PCSK5: variants seen among roughly 807,000 people sequenced by gnomAD.
PCSK5 encodes the protein prohormone convertase 5.
A neutral mutation model predicts 233.2 loss-of-function variants in PCSK5; 129 were observed. The observed-to-expected ratio is 0.55, with a 90% confidence interval of 0.48 to 0.64. The LOEUF is 0.64. Among genes scored for constraint, PCSK5 ranks in the 30% least tolerant of loss-of-function variants. The pLI, the probability that PCSK5 is intolerant of heterozygous loss-of-function variation, is 0.00. For synonymous variants in PCSK5, 825 were observed against 879.2 expected, an observed-to-expected ratio of 0.94 and a Z score of 1.09; for missense variants, 2,076 against 2,430.1, an observed-to-expected ratio of 0.85 and a Z score of 3.06.
intron 5 of PCSK5, among the ~76,000 whole-genome samples, chr9:76,040,233 A>G (rs1829035774): frequency 6.6e-6 from 1 of 152,142 alleles, no homozygotes; most frequent in African/African-American, 2.4e-5. Flanking sequence ...ACTCTAGGGC[A>G]CAGGCCATGT....
chr9:75,993,227 C>G (rs886862254), intron 3 of PCSK5, among the ~76,000 whole-genome samples: 1 of 151,948 alleles, frequency 6.6e-6, no homozygotes, highest in Non-Finnish European at 1.5e-5. Context: ...CTGAGGCAAG[C>G]AGGAGACCTC....
intron 35 of PCSK5, among the ~76,000 whole-genome samples, chr9:76,347,945 T>A (rs1300656643): frequency 6.6e-6 from 1 of 151,890 alleles, no homozygotes; most frequent in Non-Finnish European, 1.5e-5. Context: ...GATATATGTA[T>A]ACAATGTGGA....
chr9:76,337,665 G>A (rs144028697), intron 34 of PCSK5, among the ~76,000 whole-genome samples: 161 of 151,686 alleles, frequency 1.1e-3, no homozygotes, highest in East Asian at 4.7e-3. Flanking sequence ...GTAGAGACAG[G>A]GTTTCACCAT....
intron 5 of PCSK5, among the ~76,000 whole-genome samples, chr9:76,043,400 T>C (rs1227460334): frequency 1.3e-5 from 2 of 151,236 alleles, no homozygotes; most frequent in South Asian, 2.1e-4. Context: ...CAGGCTTCCA[T>C]TTAGACTCTG....
intron 2 of PCSK5, among the ~76,000 whole-genome samples, chr9:75,960,092 G>A (rs780260363): frequency 6.6e-6 from 1 of 152,216 alleles, no homozygotes; most frequent in Admixed American, 6.5e-5. Flanking sequence ...AGACAGAAGT[G>A]TAACTAACTG....
intron 37 of PCSK5, among the ~76,000 whole-genome samples, chr9:76,354,722 A>G (rs751205423): frequency 2.0e-5 from 3 of 152,210 alleles, no homozygotes; most frequent in Non-Finnish European, 2.9e-5. Flanking sequence ...GATTGCAGTG[A>G]GCTGAGATCG....
chr9:76,177,656 G>A (rs1403750823), intron 14 of PCSK5, among the ~76,000 whole-genome samples: 3 of 152,166 alleles, frequency 2.0e-5, no homozygotes, highest in Admixed American at 6.5e-5. Context: ...CATAAATAGA[G>A]TATAATAGTA....
At chr9:76,189,031 G>T in intron 18 of PCSK5, 63 bp from the exon 19 acceptor site, 1 of 1,466,570 alleles carries the variant, frequency 6.8e-7, no homozygotes, top group Non-Finnish European at 9.4e-7. Flanking sequence ...TAAAGAAGAA[G>T]CCCATGACAC....
intron 37 of PCSK5, among the ~76,000 whole-genome samples, chr9:76,357,831 A>G (rs1430480172): frequency 6.6e-6 from 1 of 152,186 alleles, no homozygotes; most frequent in African/African-American, 2.4e-5. Context: ...AAGGCCCCAC[A>G]TGGCTCTCAG....
At chr9:75,942,140 C>T (rs1038638380) in intron 2 of PCSK5, among the ~76,000 whole-genome samples, 6 of 152,214 alleles carry the variant, frequency 3.9e-5, no homozygotes, top group Admixed American at 6.5e-5. Context: ...CACTCGTTGC[C>T]TGCCCGGAGC....
chr9:76,235,307 AAAAAG>A (rs1826217998), intron 22 of PCSK5, among the ~76,000 whole-genome samples: 1 of 123,738 alleles, frequency 8.1e-6, no homozygotes, highest in African/African-American at 2.9e-5. Flanking sequence ...TGCAACAAAA[AAAAAG>A]AAGAAGAAGA....
In PCSK5 at chr9:76,358,946, A is replaced by G. The variant is rs771167254; in HGVS notation, c.*24A>G. On this transcript the variant is annotated 3_prime_UTR_variant, in exon 38 of 38. Transcript: ENST00000674117. The stretch of plus-strand genomic sequence containing the variant: ...AAACAGGCACTCCCCCACCAACACC[A>G]CCATTCCACTCTCAGGCATGCCTGT... The G allele has an allele frequency of 1.9e-6, 3 of 1,598,892 alleles. No individual in the cohort carries two copies. The highest frequency in any genetic ancestry group is 2.6e-6 in the Non-Finnish European group (3 of 1,169,932).
At chr9:76,169,385 G>C (rs1430841134) in intron 12 of PCSK5, among the ~76,000 whole-genome samples, 6 of 152,044 alleles carry the variant, frequency 3.9e-5, no homozygotes, top group African/African-American at 1.4e-4. Context: ...GAGAGCCCTA[G>C]CTCCTCCACG....
At position 76,358,660 on chromosome 9, in the gene PCSK5, C is replaced by T. The variant is rs1372006750; in HGVS notation, c.5402C>T (p.Ala1801Val). 6.2e-7 allele frequency: 1 copy of T among 1,612,804 alleles called. No homozygotes were observed. Among genetic ancestry groups the T allele is most frequent in the African/African-American group, 1.3e-5 (1 of 75,036 alleles). Residue 1801 changes from alanine (A) to valine (V), a missense_variant, in exon 38 of 38, where the codon GCA becomes GTA. By Grantham distance (64) the Ala-to-Val change is moderately conservative. Transcript: ENST00000674117. ...WKKSRGRVQP[A>V]AKAGYEKLAD... ...AAATCTCGTGGCCGAGTCCAGCCAGCAGCAAAGGCCGGCTATGAAAAACTG... is the reference window on the plus strand; with the variant it reads ...AAATCTCGTGGCCGAGTCCAGCCAGTAGCAAAGGCCGGCTATGAAAAACTG...
At chr9:76,232,589 C>A (rs1166186888) in intron 21 of PCSK5, among the ~76,000 whole-genome samples, 2 of 152,124 alleles carry the variant, frequency 1.3e-5, no homozygotes, top group Non-Finnish European at 2.9e-5. Flanking sequence ...TCTGGGTGTG[C>A]AGCCCCCAGC....
chr9:76,328,103 C>A lies in PCSK5; in HGVS notation c.4434C>A (p.Ala1478=), dbSNP rs1181028054. ...LIMNPRGSCM[A]NEKCSPSEYW... is the part of the protein sequence containing the mutation. The stretch of plus-strand genomic sequence containing the variant: ...TGAACCCTCGTGGGAGCTGCATGGC[C>A]AACGAGAAGTGCTCACCCTCCGAGT... The change falls in exon 33 of 38, where the codon GCC becomes GCA. Residue 1478 remains alanine (A), a synonymous_variant. Transcript: ENST00000674117. 1.2e-6 allele frequency: 2 copies of A among 1,612,820 alleles called. No individual in the cohort carries two copies. Among genetic ancestry groups the A allele is most frequent in the Non-Finnish European group, 1.7e-6 (2 of 1,179,808 alleles).
At chr9:76,057,990 C>G (rs1480658105) in intron 5 of PCSK5, among the ~76,000 whole-genome samples, 1 of 152,062 alleles carries the variant, frequency 6.6e-6, no homozygotes, top group African/African-American at 2.4e-5. Context: ...GTGCTTACCA[C>G]TATGCCCAGC....
Position 76,350,854 on chromosome 9 carries a change from T to C in PCSK5, c.4993T>C (p.Cys1665Arg). 1 of 1,606,492 alleles carries C rather than the reference T, an allele frequency of 6.2e-7. No homozygotes were observed. The highest frequency in any genetic ancestry group is 8.5e-7 in the Non-Finnish European group (1 of 1,174,578). The change falls in exon 36 of 38, where the codon TGT (cysteine) becomes CGT (arginine). Residue 1665 changes from cysteine to arginine, a missense_variant. Cys to Arg is a radical substitution (Grantham distance 180, BLOSUM62 -3). Coordinates refer to ENST00000674117, the MANE Select transcript of PCSK5 (RefSeq NM_001372043.1). ...AAAAGGAGCGTTGAATTGTTTATCC[T>C]GTGTGTGGAGTTACCACCTCATGGG... The part of the protein sequence containing the change: ...KGKGALNCLS[C>R]VWSYHLMGGI...
intron 29 of PCSK5, 32 bp from the exon 30 acceptor site, chr9:76,310,624 A>C: frequency 9.2e-6 from 13 of 1,408,074 alleles, no homozygotes; most frequent in South Asian, 1.4e-5. Flanking sequence ...CATGATGACT[A>C]TTCCCATCTT....
Sources: gnomAD v4.1 joint callset for allele counts (sites outside exome capture counted in the v4.1 genomes callset) on GRCh38, gnomAD v4.1.1 for gene constraint, MANE v1.5 for transcripts, NCBI Gene and HGNC (gene_info 2026-07-23, HGNC 2026-07-21) for gene names.